Variants in NAPG observed in about 807,000 individuals in gnomAD.
The protein encoded by NAPG is NSF attachment protein gamma.
A neutral mutation model predicts 48.4 loss-of-function variants in NAPG; 25 were observed. The ratio of observed to expected loss-of-function variants is 0.52; its 90% CI spans 0.38 to 0.72. NAPG has a LOEUF of 0.72. NAPG is among the 30% of genes least tolerant of loss of function. The probability of loss-of-function intolerance (pLI) is 0.00; values close to 1 mark genes in which losing one functional copy is unlikely to be tolerated. For missense variants in NAPG, 359 were observed against 372.5 expected, an observed-to-expected ratio of 0.96 and a Z score of 0.30; for synonymous variants, 139 against 127.2, an observed-to-expected ratio of 1.09 and a Z score of -0.62.
Position 10,546,764 on chromosome 18 carries a change from G to A in NAPG, c.585+360G>A, listed in dbSNP as rs566629615. The stretch of plus-strand genomic sequence containing the variant: ...TGCCCTGCCCTGAGAGAAGCCCACA[G>A]TTGTGGAGCTGGGCAGCAAAGGCTG... On this transcript the variant is annotated intron_variant, in intron 9 of 11. Transcript: ENST00000322897. This position sits in a 1 kb window ranked among gnomAD's most constrained non-coding sequence, Gnocchi z 4.0. Among the ~76,000 whole-genome samples, 2 of 152,292 alleles carry A rather than the reference G, an allele frequency of 1.3e-5. No individual in the cohort carries two copies. Among genetic ancestry groups the A allele is most frequent in the East Asian group, 3.9e-4 (2 of 5,184 alleles).
chr18:10,535,078 T>C (rs1005844911), intron 5 of NAPG, among the ~76,000 whole-genome samples: 1 of 152,266 alleles, frequency 6.6e-6, no homozygotes, highest in Non-Finnish European at 1.5e-5. Context: ...ACTTTCAAAG[T>C]ATGCCAGCTG....
rs2032223398 is a variant in NAPG at position 10,544,573 on chromosome 18, A to G, written c.507-1753A>G. 6.6e-6 allele frequency among the ~76,000 whole-genome samples: 1 copy of G among 152,146 alleles called. No homozygotes were observed. The highest frequency in any genetic ancestry group is 1.5e-5 in the Non-Finnish European group (1 of 68,034). ...AGCATGGCAGTTTGCTGCTAATTCG[A>G]GACATCAGGAGTACTCTGGCCTCTA... On this transcript the variant is annotated intron_variant, in intron 8 of 11. Transcript: ENST00000322897. This position sits in a 1 kb window ranked among gnomAD's most constrained non-coding sequence, Gnocchi z 5.1.
At chr18:10,532,612 T>G in intron 2 of NAPG, 99 bp from the exon 3 acceptor site, 1 of 829,630 alleles carries the variant, frequency 1.2e-6, no homozygotes, top group Non-Finnish European at 1.8e-6. Context: ...GTATTTGAAG[T>G]AAGTATGTTT....
At position 10,534,362 on chromosome 18, in the gene NAPG, T is replaced by C; in HGVS notation, c.228-104T>C. ...AAGTGATATGTTGTGCATGAGCCCA[T>C]TGTAATTGAAGTCACTTTCCTTACC... On this transcript the variant is annotated intron_variant, in intron 4 of 11. Transcript: ENST00000322897. This position sits in a 1 kb window ranked among gnomAD's most constrained non-coding sequence, Gnocchi z 5.0. 4.8e-6 allele frequency: 4 copies of C among 841,822 alleles called. No individual in the cohort carries two copies. Among genetic ancestry groups the C allele is most frequent in the Non-Finnish European group, 6.1e-6 (3 of 495,048 alleles). The allele number at this position is 841,822 out of a possible 1,614,324, so 52.1% of individuals were successfully genotyped here. A position where few individuals can be genotyped will look rare whatever the true frequency, so the allele number is the denominator to read the frequency against.
chr18:10,532,422 G>A (rs984358421), intron 2 of NAPG, among the ~76,000 whole-genome samples: 6 of 152,134 alleles, frequency 3.9e-5, no homozygotes, highest in Admixed American at 3.9e-4. Flanking sequence ...GTATTGGGGA[G>A]TGTTGGTGTT....
chr18:10,540,485 TTA>T (rs2032132677), intron 8 of NAPG, 86 bp downstream of exon 8: 5 of 1,177,550 alleles, frequency 4.2e-6, no homozygotes, highest in Admixed American at 1.9e-5. Flanking sequence ...GGATAGCTTG[TTA>T]ATTTTTTGGT....
At chr18:10,533,642 T>C (rs1237322261) in intron 4 of NAPG, 89 bp downstream of exon 4, 2 of 1,107,714 alleles carry the variant, frequency 1.8e-6, no homozygotes, top group Non-Finnish European at 2.6e-6. Flanking sequence ...TCCCAAATTA[T>C]AAATTTTGTA....
Position 10,540,001 on chromosome 18 carries a change from G to A in NAPG, c.382G>A (p.Val128Ile). ...TGTCTGATTCAGGCTTATAGAAAAT[G>A]TTGATCCAGAGAAGGCTGTACAGTT... ...LERAGKLIEN[V>I]DPEKAVQLYQ... The change falls in exon 7 of 12, where the codon GTT (valine) becomes ATT (isoleucine). Residue 128 changes from valine (V) to isoleucine (I), a missense_variant. Coordinates refer to ENST00000322897, the MANE Select transcript of NAPG (RefSeq NM_003826.3). The A allele has an allele frequency of 6.2e-7, 1 of 1,601,770 alleles. No homozygotes were observed. The highest frequency in any genetic ancestry group is 1.1e-5 in the South Asian group (1 of 89,494).
At position 10,546,937 on chromosome 18, in the gene NAPG, A is replaced by G. The variant is rs891487186; in HGVS notation, c.585+533A>G. Reference sequence around the variant, plus strand: ...TGATGGCTCAGGTTGATAAAACTCCACAAGGACCCCAGTCTCTTTTGCCAG... The same window carrying G: ...TGATGGCTCAGGTTGATAAAACTCCGCAAGGACCCCAGTCTCTTTTGCCAG... On this transcript the variant is annotated intron_variant, in intron 9 of 11. Coordinates refer to ENST00000322897, the MANE Select transcript of NAPG (RefSeq NM_003826.3). The surrounding 1 kb of genome is among the most constrained non-coding windows in gnomAD (Gnocchi z 4.0). Among the ~76,000 whole-genome samples the G allele has an allele frequency of 2.6e-5, 4 of 152,204 alleles. No homozygotes were observed. Among genetic ancestry groups the G allele is most frequent in the African/African-American group, 7.2e-5 (3 of 41,452 alleles).
chr18:10,529,069 G>A (rs1188428678), intron 1 of NAPG, among the ~76,000 whole-genome samples: 1 of 152,200 alleles, frequency 6.6e-6, no homozygotes, highest in East Asian at 1.9e-4. Context: ...ACCCAAATTA[G>A]CTGTATATCT....
At chr18:10,530,918 C>T (rs1171345385) in intron 2 of NAPG, 81 bp downstream of exon 2, 18 of 1,105,952 alleles carry the variant, frequency 1.6e-5, no homozygotes, top group African/African-American at 3.2e-5. Context: ...AATACTTACT[C>T]ATATGCTTTC....
At position 10,539,653 on chromosome 18, in the gene NAPG, CAT is replaced by C. The variant is rs553559573; in HGVS notation, c.259-108_259-107del. ...ATGTAACAAACCTGCACATTCTGCA[CAT>C]GTGTCCCAGAACTTAAAATAAAAAA... On this transcript the variant is annotated intron_variant, in intron 5 of 11. Transcript: ENST00000322897. The surrounding 1 kb of genome is among the most constrained non-coding windows in gnomAD (Gnocchi z 4.7). 184 of 870,562 alleles carry C rather than the reference CAT, an allele frequency of 2.1e-4. No individual in the cohort carries two copies. In the African/African-American group the frequency reaches 2.1e-3, roughly 10 times the overall value. The allele number at this position is 870,562 out of a possible 1,614,324, so 53.9% of individuals were successfully genotyped here. A position where few individuals can be genotyped will look rare whatever the true frequency, so the allele number is the denominator to read the frequency against.
chr18:10,533,716 T>C (rs2031976759), intron 4 of NAPG, among the ~76,000 whole-genome samples, 163 bp downstream of exon 4: 1 of 152,240 alleles, frequency 6.6e-6, no homozygotes, highest in South Asian at 2.1e-4. Context: ...AAACCAAGAC[T>C]TACTCCTAAC....
chr18:10,547,759 C>T (rs1365002622), intron 9 of NAPG, among the ~76,000 whole-genome samples: 4 of 152,164 alleles, frequency 2.6e-5, no homozygotes, highest in South Asian at 2.1e-4. Flanking sequence ...CCTATTTTTC[C>T]AGTAATTTAT....
chr18:10,537,734 T>A (rs2032065705), intron 5 of NAPG, among the ~76,000 whole-genome samples: 1 of 152,206 alleles, frequency 6.6e-6, no homozygotes, highest in Admixed American at 6.5e-5. Context: ...ACTTTTGGTT[T>A]TATAACAAAA....
intron 1 of NAPG, among the ~76,000 whole-genome samples, chr18:10,527,918 G>C (rs985612003): frequency 6.6e-6 from 1 of 151,998 alleles, no homozygotes; most frequent in South Asian, 2.1e-4. Flanking sequence ...GGGCCCTGTC[G>C]CTCATGCCTG....
intron 2 of NAPG, among the ~76,000 whole-genome samples, chr18:10,531,381 C>A (rs1012397564): frequency 1.3e-5 from 2 of 152,012 alleles, no homozygotes; most frequent in Non-Finnish European, 2.9e-5. Flanking sequence ...AAATATGCAA[C>A]AGAAAGGGAA....
At position 10,550,349 on chromosome 18, in the gene NAPG, G is replaced by A; in HGVS notation, c.*129G>A. On this transcript the variant is annotated 3_prime_UTR_variant, in exon 12 of 12. Coordinates refer to ENST00000322897, the MANE Select transcript of NAPG (RefSeq NM_003826.3). ...TGATTTTGGATCCTAATAAAGACTA[G>A]TTTTTAGTTACCATCTTCCCAAATC... is the stretch of plus-strand genomic sequence containing the variant. 4.1e-6 allele frequency: 4 copies of A among 978,606 alleles called. No homozygotes were observed. The South Asian group carries it at 7.5e-5, about 18-fold the overall frequency. 60.6% of individuals were successfully genotyped at this position (978,606 alleles called of 1,614,324 possible).
At chr18:10,545,198 G>C (rs1209165927) in intron 8 of NAPG, among the ~76,000 whole-genome samples, 1 of 151,932 alleles carries the variant, frequency 6.6e-6, no homozygotes. Flanking sequence ...TGTAATCCCA[G>C]CTACTCGGGA....
Sources: allele counts gnomAD v4.1 joint callset (sites outside exome capture counted in the v4.1 genomes callset), GRCh38; gene constraint gnomAD v4.1.1; non-coding constraint Gnocchi (gnomAD v3.1); transcripts MANE v1.5; gene names NCBI Gene and HGNC (gene_info 2026-07-23, HGNC 2026-07-21).